The following MACO1 variants were observed in gnomAD, a reference collection of about 807,000 sequenced individuals.
MACO1 encodes macoilin.
MACO1 carries 14 observed loss-of-function variants against 78.7 expected under a neutral mutation model. That is an observed-to-expected ratio of 0.18 (90% CI 0.12 to 0.28). MACO1 has a LOEUF of 0.28. Among genes scored for constraint, MACO1 ranks in the 10% least tolerant of loss-of-function variants. The probability of loss-of-function intolerance (pLI) is 1.00; values close to 1 mark genes in which losing one functional copy is unlikely to be tolerated. For missense variants in MACO1, 501 were observed against 799.0 expected (o/e 0.63, Z 4.50); for synonymous variants, 288 against 291.6 (o/e 0.99, Z 0.12).
chr1:25,464,260 CCTTTTCAGATTGACTT>C (rs2043196281), intron 6 of MACO1, among the ~76,000 whole-genome samples: 1 of 151,682 alleles, frequency 6.6e-6, no homozygotes, highest in African/African-American at 2.4e-5. Context: ...TATTACATAG[CCTTTTCAGATTGACTT>C]CTTTCACTTA....
rs2043223665 is a variant in MACO1, at chr1:25,466,809, T to A, written c.1154+7917T>A. Among the ~76,000 whole-genome samples, 3 of 152,362 alleles carry A rather than the reference T, an allele frequency of 2.0e-5. No homozygotes were observed. The East Asian group carries it at 5.8e-4, about 29-fold the overall frequency. On this transcript the variant is annotated intron_variant, in intron 6 of 10. Coordinates refer to ENST00000374343, the MANE Select transcript of MACO1 (RefSeq NM_018202.6). The stretch of plus-strand genomic sequence containing the variant: ...TTTTAATGAGGTCTAGCTTGTCAAT[T>A]TTTTCTTTCATAGATCATGCCTTTA...
intron 1 of MACO1, among the ~76,000 whole-genome samples, chr1:25,441,194 C>T (rs1046101118): frequency 2.6e-5 from 4 of 151,746 alleles, no homozygotes; most frequent in African/African-American, 9.7e-5. Context: ...ATTCATTCAA[C>T]ATTTTTTTTT....
intron 6 of MACO1, among the ~76,000 whole-genome samples, chr1:25,466,975 T>C (rs555122031): frequency 8.7e-4 from 133 of 152,108 alleles, no homozygotes; most frequent in Middle Eastern, 3.4e-3. Context: ...GAAATCATGC[T>C]CGGCCGGGCA....
intron 6 of MACO1, among the ~76,000 whole-genome samples, chr1:25,465,009 T>TA (rs1386005891): frequency 6.1e-5 from 9 of 148,646 alleles, no homozygotes; most frequent in African/African-American, 2.0e-4. Context: ...GACAGGAACT[T>TA]ACTATATTGC....
chr1:25,451,105 T>C (rs922909107), intron 3 of MACO1, among the ~76,000 whole-genome samples: 3 of 152,256 alleles, frequency 2.0e-5, no homozygotes, highest in Non-Finnish European at 4.4e-5. Context: ...CAGAAATGCA[T>C]ATTGGAATAG....
At chr1:25,469,287 T>C (rs928221932) in intron 6 of MACO1, among the ~76,000 whole-genome samples, 3 of 152,222 alleles carry the variant, frequency 2.0e-5, no homozygotes, top group African/African-American at 7.2e-5. Context: ...AGTGAGTATG[T>C]TGATTAGTAT....
Position 25,448,836 on chromosome 1 carries a change from C to T in MACO1, c.251C>T (p.Ala84Val). 1 of 1,557,814 alleles carries T rather than the reference C, an allele frequency of 6.4e-7. No individual in the cohort carries two copies. Among genetic ancestry groups the T allele is most frequent in the Non-Finnish European group, 8.8e-7 (1 of 1,141,698 alleles). ...TTCTCAGTATTTTTTGTTTGTGTAG[C>T]ATTCACGTCAAATATAATATGCCTG... ...LAFSVFFVCV[A>V]FTSNIICLLF... The change falls in exon 3 of 11, where the codon GCA becomes GTA. Residue 84 changes from alanine to valine, a missense_variant. Transcript: ENST00000374343.
chr1:25,453,660 C>CAAAAA (rs532604219), intron 3 of MACO1, among the ~76,000 whole-genome samples: 2 of 69,122 alleles, frequency 2.9e-5, no homozygotes, highest in Admixed American at 1.8e-4. Context: ...GAGACTCCCT[C>CAAAAA]AAAAAAAAAA....
At chr1:25,487,129 T>C (rs35225089) in intron 8 of MACO1, among the ~76,000 whole-genome samples, 86,928 of 151,994 alleles carry the variant, frequency 0.57, 26,353 homozygotes, top group African/African-American at 0.77. Context: ...TATCCCTGGA[T>C]AGTCCTTGTT....
intron 10 of MACO1, among the ~76,000 whole-genome samples, chr1:25,493,999 G>A (rs1221918774): frequency 6.6e-6 from 1 of 152,080 alleles, no homozygotes; most frequent in Non-Finnish European, 1.5e-5. Context: ...CCAAAGTACT[G>A]GGATTACAGG....
chr1:25,435,665 C>G (rs1031690145), intron 1 of MACO1, among the ~76,000 whole-genome samples: 19 of 152,176 alleles, frequency 1.2e-4, no homozygotes, highest in African/African-American at 4.6e-4. Flanking sequence ...ACCTGTGTTG[C>G]AATCTCATAG....
At chr1:25,436,253 G>A (rs2042918254) in intron 1 of MACO1, among the ~76,000 whole-genome samples, 1 of 151,540 alleles carries the variant, frequency 6.6e-6, no homozygotes, top group South Asian at 2.1e-4. Flanking sequence ...CTTTTTCTTT[G>A]GCCATTTCTC....
At chr1:25,482,532 T>C (rs1167519420) in intron 6 of MACO1, among the ~76,000 whole-genome samples, 2 of 152,160 alleles carry the variant, frequency 1.3e-5, no homozygotes, top group Non-Finnish European at 2.9e-5. Context: ...TTTAATACAT[T>C]TCTCCCCTCA....
At chr1:25,437,136 CT>C (rs35287453) in intron 1 of MACO1, among the ~76,000 whole-genome samples, 71,423 of 136,410 alleles carry the variant, frequency 0.52, 18,033 homozygotes, top group African/African-American at 0.61. Flanking sequence ...CTTCAAAACA[CT>C]TTTTTTTTTT....
intron 6 of MACO1, 103 bp downstream of exon 6, chr1:25,458,995 T>C (rs879653828): frequency 2.1e-5 from 29 of 1,393,938 alleles, no homozygotes; most frequent in Non-Finnish European, 2.7e-5. Context: ...AATCAGATAT[T>C]GTGACTAGTG....
At chr1:25,438,951 CAG>C (rs747644141) in intron 1 of MACO1, among the ~76,000 whole-genome samples, 22 of 151,562 alleles carry the variant, frequency 1.5e-4, no homozygotes, top group Non-Finnish European at 2.8e-4. Flanking sequence ...ACATGTCAAA[CAG>C]AAACCTGTTT....
intron 1 of MACO1, among the ~76,000 whole-genome samples, chr1:25,440,782 A>G (rs1178809225): frequency 2.6e-5 from 4 of 151,912 alleles, no homozygotes; most frequent in East Asian, 3.8e-4. Context: ...AAAAAAAAAA[A>G]AAAGAAAAGT....
At chr1:25,458,942 TA>T (rs2043147906) in intron 6 of MACO1, 50 bp downstream of exon 6, 1 of 1,567,150 alleles carries the variant, frequency 6.4e-7, no homozygotes, top group African/African-American at 1.4e-5. Context: ...AAACTTGACA[TA>T]CTCTTGACAT....
chr1:25,494,001 G>A (rs911920964), intron 10 of MACO1, among the ~76,000 whole-genome samples: 6 of 152,184 alleles, frequency 3.9e-5, no homozygotes, highest in African/African-American at 1.4e-4. Context: ...AAAGTACTGG[G>A]ATTACAGGCG....
Sources: gnomAD v4.1 joint callset for allele counts (sites outside exome capture counted in the v4.1 genomes callset) on GRCh38, gnomAD v4.1.1 for gene constraint, MANE v1.5 for transcripts, NCBI Gene and HGNC (gene_info 2026-07-23, HGNC 2026-07-21) for gene names.